The following ARHGAP26 variants were observed in gnomAD, a reference collection of about 807,000 sequenced individuals.
ARHGAP26 encodes rho GTPase-activating protein 26.
In ARHGAP26, 38 loss-of-function variants were observed where a neutral mutation model predicts 104.8. The ratio of observed to expected loss-of-function variants is 0.36; its 90% CI spans 0.28 to 0.48. ARHGAP26 has a LOEUF of 0.48. Ranked by LOEUF, ARHGAP26 falls within the 20% of genes least tolerant of loss-of-function variation. ARHGAP26 has a pLI of 0.99. For missense variants in ARHGAP26, 704 were observed against 947.9 expected, an observed-to-expected ratio of 0.74 and a Z score of 3.38; for synonymous variants, 341 against 340.0, an observed-to-expected ratio of 1.00 and a Z score of -0.03.
chr5:143,102,298 G>C (rs906297092), intron 17 of ARHGAP26, among the ~76,000 whole-genome samples: 5 of 152,254 alleles, frequency 3.3e-5, no homozygotes, highest in South Asian at 4.1e-4. Context: ...TGTTCCACTA[G>C]CAAGTACCAG....
intron 19 of ARHGAP26, among the ~76,000 whole-genome samples, chr5:143,142,568 G>T (rs1798690981): frequency 6.6e-6 from 1 of 152,056 alleles, no homozygotes; most frequent in African/African-American, 2.4e-5. Context: ...TTTTAAGTTT[G>T]TTTTTATCAT....
intron 1 of ARHGAP26, among the ~76,000 whole-genome samples, chr5:142,806,286 C>T (rs77323293): frequency 9.2e-5 from 14 of 152,104 alleles, no homozygotes; most frequent in Admixed American, 2.0e-4. Context: ...TTTGTAGAAA[C>T]GGAATCTCAC....
intron 12 of ARHGAP26, among the ~76,000 whole-genome samples, chr5:143,022,692 G>A (rs1467499584): frequency 4.9e-4 from 75 of 152,146 alleles, no homozygotes; most frequent in Admixed American, 4.9e-3. Flanking sequence ...TCACACGATG[G>A]GCTGCCATTT....
chr5:143,033,065 A>G (rs1344079685), intron 12 of ARHGAP26, among the ~76,000 whole-genome samples: 1 of 152,232 alleles, frequency 6.6e-6, no homozygotes, highest in African/African-American at 2.4e-5. Flanking sequence ...TCAATATGCA[A>G]TTTTAATACA....
chr5:142,804,731 A>G (rs1407575407), intron 1 of ARHGAP26, among the ~76,000 whole-genome samples: 2 of 152,108 alleles, frequency 1.3e-5, no homozygotes, highest in Admixed American at 6.5e-5. Context: ...ACCTCAGGTG[A>G]TCCACCTGCC....
intron 11 of ARHGAP26, among the ~76,000 whole-genome samples, chr5:142,998,903 T>A (rs1776810874): frequency 1.3e-5 from 2 of 152,152 alleles, no homozygotes; most frequent in South Asian, 4.2e-4. Context: ...CCTCCAACAT[T>A]TGCAGGACCT....
At chr5:142,931,588 C>T (rs1764724400) in intron 10 of ARHGAP26, among the ~76,000 whole-genome samples, 1 of 152,170 alleles carries the variant, frequency 6.6e-6, no homozygotes, top group African/African-American at 2.4e-5. Flanking sequence ...AAGCAGTGGA[C>T]TAGATATTAG....
At chr5:142,853,579 A>G (rs764286108) in intron 1 of ARHGAP26, among the ~76,000 whole-genome samples, 1 of 152,214 alleles carries the variant, frequency 6.6e-6, no homozygotes, top group Non-Finnish European at 1.5e-5. Context: ...TCCCTTTTGT[A>G]AAAGGGATTT....
intron 11 of ARHGAP26, 149 bp from the exon 12 acceptor site, chr5:143,013,931 T>C: frequency 1.4e-6 from 1 of 693,880 alleles, no homozygotes; most frequent in Non-Finnish European, 2.5e-6. Context: ...AAGTAGATAA[T>C]TATTGAATGG....
chr5:143,079,255 C>G (rs1202457487), intron 17 of ARHGAP26, among the ~76,000 whole-genome samples: 1 of 152,210 alleles, frequency 6.6e-6, no homozygotes, highest in African/African-American at 2.4e-5. Context: ...GTGGAGGAAG[C>G]CTATGAAACA....
intron 11 of ARHGAP26, among the ~76,000 whole-genome samples, chr5:142,985,840 C>G (rs1436126292): frequency 6.6e-6 from 1 of 152,002 alleles, no homozygotes; most frequent in Non-Finnish European, 1.5e-5. Context: ...ACCAACTCAT[C>G]CTTTTTTATG....
At chr5:142,770,970 G>A in intron 1 of ARHGAP26, 55 bp downstream of exon 1, 1 of 1,541,052 alleles carries the variant, frequency 6.5e-7, no homozygotes, top group Non-Finnish European at 8.8e-7. Flanking sequence ...GAACTGGGAG[G>A]TGGCGCTTAG....
chr5:142,839,877 C>T (rs1270010482), intron 1 of ARHGAP26, among the ~76,000 whole-genome samples: 4 of 125,670 alleles, frequency 3.2e-5, no homozygotes, highest in East Asian at 2.2e-4. Context: ...TTTTGTGTTG[C>T]GACAGAGAGA....
At chr5:143,026,675 A>T (rs796873738) in intron 12 of ARHGAP26, among the ~76,000 whole-genome samples, 50 of 152,158 alleles carry the variant, frequency 3.3e-4, no homozygotes, top group African/African-American at 1.1e-3. Flanking sequence ...GGGCCAGGAG[A>T]TAAGACTGCA....
intron 8 of ARHGAP26, among the ~76,000 whole-genome samples, chr5:142,904,920 A>G (rs1255894829): frequency 1.3e-5 from 2 of 152,174 alleles, no homozygotes; most frequent in South Asian, 2.1e-4. Flanking sequence ...TAATTATTCT[A>G]TTTAGTAATT....
intron 9 of ARHGAP26, among the ~76,000 whole-genome samples, chr5:142,911,495 C>A (rs1761831738): frequency 6.6e-6 from 1 of 152,180 alleles, no homozygotes; most frequent in African/African-American, 2.4e-5. Context: ...ATCTCCTTAA[C>A]TTTGGCTTTT....
At chr5:143,051,779 G>A (rs1404041869) in intron 14 of ARHGAP26, among the ~76,000 whole-genome samples, 1 of 151,986 alleles carries the variant, frequency 6.6e-6, no homozygotes, top group Non-Finnish European at 1.5e-5. Flanking sequence ...ATAAGTGGAA[G>A]CTAATCATTA....
intron 20 of ARHGAP26, among the ~76,000 whole-genome samples, chr5:143,156,876 A>G (rs1008060175): frequency 1.3e-5 from 2 of 152,250 alleles, no homozygotes; most frequent in African/African-American, 4.8e-5. Flanking sequence ...TCTCCCCCCA[A>G]AAGCCCAGTC....
At chr5:142,819,827 AT>A (rs550306051) in intron 1 of ARHGAP26, among the ~76,000 whole-genome samples, 23 of 150,622 alleles carry the variant, frequency 1.5e-4, no homozygotes, top group Admixed American at 1.1e-3. Context: ...TATGGACTTG[AT>A]TTTTTTTTTA....
Sources: allele counts gnomAD v4.1 joint callset (sites outside exome capture counted in the v4.1 genomes callset), GRCh38; gene constraint gnomAD v4.1.1; transcripts MANE v1.5; gene names NCBI Gene and HGNC (gene_info 2026-07-23, HGNC 2026-07-21).